DIP2C: variants seen among roughly 807,000 people sequenced by gnomAD.
DIP2C encodes the protein disco-interacting protein 2 homolog C.
DIP2C carries 33 observed loss-of-function variants against 192.4 expected under a neutral mutation model. That is an observed-to-expected ratio of 0.17 (90% CI 0.13 to 0.23). The LOEUF (loss-of-function observed/expected upper bound fraction) is 0.23. Ranked by LOEUF, DIP2C falls within the 10% of genes least tolerant of loss-of-function variation. The probability of loss-of-function intolerance (pLI) is 1.00; values close to 1 mark genes in which losing one functional copy is unlikely to be tolerated. For missense variants in DIP2C, 1,537 were observed against 2,110.1 expected (o/e 0.73, Z 5.32); for synonymous variants, 979 against 864.1 (o/e 1.13, Z -2.33).
intron 1 of DIP2C, among the ~76,000 whole-genome samples, chr10:571,526 T>C (rs1335210787): frequency 6.7e-6 from 1 of 149,398 alleles, no homozygotes; most frequent in African/African-American, 2.5e-5. Context: ...TCCTTTCCTC[T>C]CCCTCCCTCA....
intron 9 of DIP2C, 98 bp from the exon 10 acceptor site, chr10:399,317 G>A (rs1449902104): frequency 1.2e-6 from 1 of 832,856 alleles, no homozygotes. Context: ...GCACGCTTCA[G>A]TGAGAACCAG....
intron 31 of DIP2C, among the ~76,000 whole-genome samples, chr10:326,566 G>GAA (rs1957280387): frequency 6.6e-6 from 1 of 152,216 alleles, no homozygotes; most frequent in Non-Finnish European, 1.5e-5. Context: ...CTGTTTCCCA[G>GAA]AAGTGCGGCT....
chr10:365,844 C>A (rs1960122127), intron 19 of DIP2C, among the ~76,000 whole-genome samples: 1 of 152,200 alleles, frequency 6.6e-6, no homozygotes, highest in Non-Finnish European at 1.5e-5. Flanking sequence ...CCACATCTAG[C>A]CCAGGCCGAG....
At chr10:510,423 C>T (rs1294474927) in intron 1 of DIP2C, among the ~76,000 whole-genome samples, 3 of 152,208 alleles carry the variant, frequency 2.0e-5, no homozygotes, top group Non-Finnish European at 2.9e-5. Context: ...TGAACGTGCA[C>T]GTACATGCTC....
chr10:496,769 G>A (rs1057295168), intron 1 of DIP2C, among the ~76,000 whole-genome samples: 17 of 150,852 alleles, frequency 1.1e-4, no homozygotes, highest in African/African-American at 2.2e-4. Context: ...TACATTACTC[G>A]CAATACTCCA....
intron 3 of DIP2C, among the ~76,000 whole-genome samples, chr10:449,424 G>A (rs1968647079): frequency 6.6e-6 from 1 of 152,082 alleles, no homozygotes; most frequent in East Asian, 1.9e-4. Context: ...GCACACACTT[G>A]CATATTATAC....
rs986070921 is a variant in DIP2C, at chr10:537,810, G to A, written c.86-51280C>T. ...GTCTGCGAATTTTTTTTTTTCCCCC[G>A]AGACCGAGTCTCGCTCTGTAGTGCA... On this transcript the variant is annotated intron_variant, in intron 1 of 36. Coordinates refer to ENST00000280886, the MANE Select transcript of DIP2C (RefSeq NM_014974.3). Among the ~76,000 whole-genome samples, 35 of 150,530 alleles carry A rather than the reference G, an allele frequency of 2.3e-4. 1 individual carries two copies. Among genetic ancestry groups the A allele is most frequent in the African/African-American group, 6.1e-4 (25 of 40,678 alleles).
chr10:617,975 T>A (rs150183873), intron 1 of DIP2C, among the ~76,000 whole-genome samples: 2 of 152,286 alleles, frequency 1.3e-5, no homozygotes, highest in East Asian at 3.9e-4. Flanking sequence ...GCTTGTGAGC[T>A]CCAAGAGCTT....
intron 1 of DIP2C, chr10:665,003 C>G (rs1412601861): frequency 1.3e-5 from 2 of 152,102 alleles, no homozygotes; most frequent in African/African-American, 4.8e-5. Flanking sequence ...CTAGCAGATA[C>G]CCAGGTCTGT....
intron 1 of DIP2C, among the ~76,000 whole-genome samples, chr10:507,557 G>C (rs1845700204): frequency 6.6e-6 from 1 of 152,162 alleles, no homozygotes. Flanking sequence ...GCGAGGTTAG[G>C]GACTGTGTGC....
rs375595076 is a variant in DIP2C, at chr10:427,936, T to A, written c.395-4903A>T. On this transcript the variant is annotated intron_variant, in intron 4 of 36. Coordinates refer to ENST00000280886, the MANE Select transcript of DIP2C (RefSeq NM_014974.3). ...CTCCCAAGATAAAGGAAATTATACG[T>A]ATACACAAAGATATGTACATAAACG... Among the ~76,000 whole-genome samples the A allele has an allele frequency of 3.9e-5, 6 of 152,260 alleles. No homozygotes were observed. The East Asian group carries it at 1.2e-3, about 29-fold the overall frequency.
At chr10:466,439 G>A (rs1276963849) in intron 3 of DIP2C, among the ~76,000 whole-genome samples, 1 of 138,986 alleles carries the variant, frequency 7.2e-6, no homozygotes, top group African/African-American at 2.6e-5. Context: ...AAAAACCCTA[G>A]AAGAAAACCT....
chr10:475,591 T>C (rs1453915332), intron 2 of DIP2C, among the ~76,000 whole-genome samples: 1 of 152,190 alleles, frequency 6.6e-6, no homozygotes, highest in East Asian at 1.9e-4. Flanking sequence ...TACTTTTGCA[T>C]ACCATCCTCG....
At chr10:600,763 G>C (rs559839982) in intron 1 of DIP2C, among the ~76,000 whole-genome samples, 1 of 152,338 alleles carries the variant, frequency 6.6e-6, no homozygotes, top group South Asian at 2.1e-4. Flanking sequence ...AGTGAGGTTG[G>C]AGGAGTATCG....
rs1256483429 is a variant in DIP2C at position 651,090 on chromosome 10, C to T, written c.85+38404G>A. ...TCCTGCTCTTGTCTCTCCCACACCT[C>T]CCAAACTCTCTCCTGGCCAGCTCTC... On this transcript the variant is annotated intron_variant, in intron 1 of 36. Coordinates refer to ENST00000280886, the MANE Select transcript of DIP2C (RefSeq NM_014974.3). The surrounding 1 kb of genome is among the most constrained non-coding windows in gnomAD (Gnocchi z 4.1). 2.8e-6 allele frequency: 2 copies of T among 717,506 alleles called. No homozygotes were observed. Among genetic ancestry groups the T allele is most frequent in the Non-Finnish European group, 5.2e-6 (2 of 385,106 alleles). 44.4% of individuals were successfully genotyped at this position (717,506 alleles called of 1,614,324 possible).
chr10:551,633 C>G (rs1848594201), intron 1 of DIP2C, among the ~76,000 whole-genome samples: 1 of 152,206 alleles, frequency 6.6e-6, no homozygotes, highest in African/African-American at 2.4e-5. Flanking sequence ...GGACTCAGCC[C>G]CGAGTGTGAA....
At chr10:541,703 C>A (rs1223431289) in intron 1 of DIP2C, among the ~76,000 whole-genome samples, 3 of 149,262 alleles carry the variant, frequency 2.0e-5, no homozygotes, top group African/African-American at 4.9e-5. Flanking sequence ...CACCTGACCA[C>A]CCCCATCTCT....
At chr10:423,723 G>A (rs1966373751) in intron 4 of DIP2C, among the ~76,000 whole-genome samples, 1 of 151,476 alleles carries the variant, frequency 6.6e-6, no homozygotes, top group South Asian at 2.1e-4. Context: ...TTCTACGTCG[G>A]TGTGTGTGTG....
chr10:647,181 G>A (rs1300107814), intron 1 of DIP2C, among the ~76,000 whole-genome samples: 1 of 151,836 alleles, frequency 6.6e-6, no homozygotes, highest in Admixed American at 6.6e-5. Context: ...ATTGGACGGT[G>A]GGAGAGAACA....
Sources: gnomAD v4.1 joint callset for allele counts (sites outside exome capture counted in the v4.1 genomes callset) on GRCh38, gnomAD v4.1.1 for gene constraint, Gnocchi (gnomAD v3.1) non-coding constraint, MANE v1.5 for transcripts, NCBI Gene and HGNC (gene_info 2026-07-23, HGNC 2026-07-21) for gene names.